The following BLVRA variants were observed in gnomAD, a reference collection of about 807,000 sequenced individuals.
The protein encoded by BLVRA is BVR A.
A neutral mutation model predicts 32.8 loss-of-function variants in BLVRA; 22 were observed. The ratio of observed to expected loss-of-function variants is 0.67; its 90% confidence interval spans 0.48 to 0.96. BLVRA has a LOEUF of 0.96. BLVRA is among the 40% of genes least tolerant of loss of function. The probability of loss-of-function intolerance (pLI) is 0.00; values close to 1 mark genes in which losing one functional copy is unlikely to be tolerated. For missense variants in BLVRA, 323 were observed against 358.1 expected (o/e 0.90, Z 0.79); for synonymous variants, 119 against 141.3 (o/e 0.84, Z 1.12).
chr7:43,768,388 G>A (rs1196971919), intron 1 of BLVRA, among the ~76,000 whole-genome samples: 2 of 152,194 alleles, frequency 1.3e-5, no homozygotes, highest in Admixed American at 1.3e-4. Flanking sequence ...GACAGGACCT[G>A]TCAAGGCCTC....
At chr7:43,797,984 G>A (rs1159534830) in intron 5 of BLVRA, among the ~76,000 whole-genome samples, 1 of 151,752 alleles carries the variant, frequency 6.6e-6, no homozygotes, top group African/African-American at 2.4e-5. Context: ...TTGAGGTCAG[G>A]AGTTCAAAAC....
intron 2 of BLVRA, among the ~76,000 whole-genome samples, chr7:43,774,233 G>A (rs909414792): frequency 6.6e-6 from 1 of 152,144 alleles, no homozygotes; most frequent in Non-Finnish European, 1.5e-5. Context: ...GTCCTGAATG[G>A]TATTGCCTAG....
At chr7:43,760,763 C>G (rs1468779991) in intron 1 of BLVRA, among the ~76,000 whole-genome samples, 4 of 146,354 alleles carry the variant, frequency 2.7e-5, no homozygotes, top group East Asian at 3.9e-4. Context: ...ACAATGTCCT[C>G]TTGAGTCTTT....
chr7:43,801,381 A>G (rs2095798493), intron 6 of BLVRA, among the ~76,000 whole-genome samples: 2 of 152,194 alleles, frequency 1.3e-5, no homozygotes. Context: ...GGAAATGGGC[A>G]TGCAGGAAGC....
At chr7:43,806,270 C>T (rs1256107647) in intron 7 of BLVRA, among the ~76,000 whole-genome samples, 1 of 152,162 alleles carries the variant, frequency 6.6e-6, no homozygotes, top group Non-Finnish European at 1.5e-5. Context: ...CGAGATTGCA[C>T]CACTGCACTC....
At chr7:43,776,960 G>A (rs932667116) in intron 2 of BLVRA, among the ~76,000 whole-genome samples, 4 of 152,238 alleles carry the variant, frequency 2.6e-5, no homozygotes, top group Admixed American at 6.5e-5. Flanking sequence ...GACTAGGATT[G>A]CAACCCCTAC....
chr7:43,767,816 A>G (rs773543475), intron 1 of BLVRA, among the ~76,000 whole-genome samples: 2 of 151,078 alleles, frequency 1.3e-5, no homozygotes, highest in Non-Finnish European at 2.9e-5. Flanking sequence ...TGGAAAAGTT[A>G]AATTAGTTAC....
chr7:43,776,690 G>A lies in BLVRA; in HGVS notation c.12+5520G>A, dbSNP rs530081602. On this transcript the variant is annotated intron_variant, in intron 2 of 7. Coordinates refer to ENST00000265523, the MANE Select transcript of BLVRA (RefSeq NM_000712.4). ...GTGCAGAGCTGAGTTCAATTCCTGGGTATCCTTGTTAACTTTCTGTCTCGT... is the reference window on the plus strand; with the variant it reads ...GTGCAGAGCTGAGTTCAATTCCTGGATATCCTTGTTAACTTTCTGTCTCGT... Among the ~76,000 whole-genome samples the A allele has an allele frequency of 8.5e-4, 130 of 152,160 alleles. 1 individual carries two copies. Among genetic ancestry groups the A allele is most frequent in the African/African-American group, 3.0e-3 (123 of 41,502 alleles).
At chr7:43,769,557 G>A (rs372167347) in intron 1 of BLVRA, among the ~76,000 whole-genome samples, 69 of 152,182 alleles carry the variant, frequency 4.5e-4, no homozygotes, top group African/African-American at 1.6e-3. Flanking sequence ...AAGCAGGAAG[G>A]AGCAATGGGA....
At chr7:43,769,469 A>G (rs1405315326) in intron 1 of BLVRA, among the ~76,000 whole-genome samples, 1 of 151,966 alleles carries the variant, frequency 6.6e-6, no homozygotes, top group African/African-American at 2.4e-5. Flanking sequence ...GATTTTTTTC[A>G]GATGTGAAAA....
chr7:43,758,733 A>C lies in BLVRA; in HGVS notation c.-23A>C, dbSNP rs1026275828. The C allele has an allele frequency of 5.9e-5, 9 of 152,058 alleles. No homozygotes were observed. Among genetic ancestry groups the C allele is most frequent in the Non-Finnish European group, 1.3e-4 (9 of 68,044 alleles). The allele number at this position is 152,058 out of a possible 1,614,324, so 9.4% of individuals were successfully genotyped here. ...CTGCACGGAGAGCGGTGCCCGCGTC[A>C]GGTGAGGCGCGCGCGGGGAACGGGG... On this transcript the variant is annotated splice_region_variant and 5_prime_UTR_variant, in exon 1 of 8. Coordinates refer to ENST00000265523, the MANE Select transcript of BLVRA (RefSeq NM_000712.4).
intron 5 of BLVRA, among the ~76,000 whole-genome samples, chr7:43,793,947 A>C (rs1172386218): frequency 6.6e-6 from 1 of 151,868 alleles, no homozygotes; most frequent in African/African-American, 2.4e-5. Flanking sequence ...TACAAGAAAA[A>C]AAAAAAAAGA....
At chr7:43,773,393 G>GT (rs1282122524) in intron 2 of BLVRA, among the ~76,000 whole-genome samples, 1 of 151,996 alleles carries the variant, frequency 6.6e-6, no homozygotes, top group Admixed American at 6.6e-5. Context: ...GCGGTGTTTG[G>GT]TTTTTTGTCC....
chr7:43,791,427 A>G (rs935552034), intron 4 of BLVRA, 59 bp downstream of exon 4: 575 of 1,599,038 alleles, frequency 3.6e-4, no homozygotes, highest in Non-Finnish European at 4.7e-4. Context: ...TGCAAAAATG[A>G]GCAAGCAAGC....
chr7:43,800,430 C>G lies in BLVRA; in HGVS notation c.353-35C>G, dbSNP rs560704730. 3 of 1,588,778 alleles carry G rather than the reference C, an allele frequency of 1.9e-6. No individual in the cohort carries two copies. The Admixed American group carries it at 5.0e-5, about 27-fold the overall frequency. On this transcript the variant is annotated intron_variant, in intron 5 of 7. Transcript: ENST00000265523. ...GGGATGCACACCTAGACACAACTGA[C>G]GACTGCCCTTTTTATTCCATTTTTG... is the stretch of plus-strand genomic sequence containing the variant.
At chr7:43,785,288 T>C (rs992689070) in intron 2 of BLVRA, among the ~76,000 whole-genome samples, 4 of 151,436 alleles carry the variant, frequency 2.6e-5, no homozygotes, top group African/African-American at 9.7e-5. Flanking sequence ...CTGTACAGAT[T>C]TCTCCAGAGG....
chr7:43,803,837 G>C lies in BLVRA; in HGVS notation c.622G>C (p.Glu208Gln), dbSNP rs751016176. Reference protein sequence around the residue: ...YMKMTVCLETEKKSPLSWIEE... With the variant: ...YMKMTVCLETQKKSPLSWIEE... ...GAAAATGACAGTGTGTCTGGAGACA[G>C]AGAAGAAAAGGTAAGTCATGAGAAG... Residue 208 changes from glutamate to glutamine, a missense_variant, in exon 7 of 8, where the codon GAG becomes CAG. By Grantham distance (29) the Glu-to-Gln change is conservative. Coordinates refer to ENST00000265523, the MANE Select transcript of BLVRA (RefSeq NM_000712.4). 6.2e-7 allele frequency: 1 copy of C among 1,614,050 alleles called. No individual in the cohort carries two copies. The highest frequency in any genetic ancestry group is 1.3e-5 in the African/African-American group (1 of 75,044).
At chr7:43,800,373 G>A (rs1585742450) in intron 5 of BLVRA, 92 bp from the exon 6 acceptor site, 1 of 1,242,046 alleles carries the variant, frequency 8.1e-7, no homozygotes, top group South Asian at 1.2e-5. Context: ...AGTGCTTCAT[G>A]TCTTGTGTTA....
intron 2 of BLVRA, among the ~76,000 whole-genome samples, chr7:43,777,559 T>C (rs1346786120): frequency 2.0e-5 from 3 of 152,236 alleles, no homozygotes; most frequent in Non-Finnish European, 4.4e-5. Flanking sequence ...GACCTTTCTC[T>C]CTGGCTGCCC....
Sources: gnomAD v4.1 joint callset for allele counts (sites outside exome capture counted in the v4.1 genomes callset) on GRCh38, gnomAD v4.1.1 for gene constraint, MANE v1.5 for transcripts, NCBI Gene and HGNC (gene_info 2026-07-23, HGNC 2026-07-21) for gene names.